Variants in GNG4 observed in about 807,000 individuals in gnomAD.
The protein encoded by GNG4 is G protein subunit gamma 4.
GNG4 carries 4 observed loss-of-function variants against 5.8 expected under a neutral mutation model. That is an observed-to-expected ratio of 0.69 (90% CI 0.34 to 1.57). GNG4 has a LOEUF of 1.57. GNG4 is among the 40% of genes most tolerant of loss of function. GNG4 has a pLI of 0.06. For missense variants in GNG4, 96 were observed against 95.1 expected, an observed-to-expected ratio of 1.01 and a Z score of -0.04; for synonymous variants, 29 against 32.9, an observed-to-expected ratio of 0.88 and a Z score of 0.41.
At chr1:235,605,886 C>T (rs759510721) in intron 1 of GNG4, among the ~76,000 whole-genome samples, 2 of 149,384 alleles carry the variant, frequency 1.3e-5, no homozygotes, top group African/African-American at 2.5e-5. Context: ...CAGGTGTCAT[C>T]AAATGAAGGG....
In GNG4 at chr1:235,619,224, C is replaced by CAT. The variant is rs202218848; in HGVS notation, c.-122-23715_-122-23714dup. ...ACACATATATATATATACACACACA[C>CAT]ATATATATATACACAAAAATTAATT... On this transcript the variant is annotated intron_variant, in intron 1 of 3. Coordinates refer to ENST00000391854, the MANE Select transcript of GNG4 (RefSeq NM_001098722.2). 8.1e-4 allele frequency among the ~76,000 whole-genome samples: 117 copies of CAT among 144,124 alleles called. 1 individual carries two copies. Among genetic ancestry groups the CAT allele is most frequent in the African/African-American group, 1.6e-3 (63 of 39,024 alleles). The allele number at this position is 144,124 out of a possible 152,430, so 94.6% of individuals were successfully genotyped here.
rs12130259 is a variant in GNG4 at position 235,642,840 on chromosome 1, C to G, written c.-123+6822G>C. 0.3 allele frequency among the ~76,000 whole-genome samples: 45,718 copies of G among 151,984 alleles called. 8,049 individuals are homozygous for G. Among genetic ancestry groups the G allele is most frequent in the Middle Eastern group, 0.4 (117 of 294 alleles). On this transcript the variant is annotated intron_variant, in intron 1 of 3. Coordinates refer to ENST00000391854, the MANE Select transcript of GNG4 (RefSeq NM_001098722.2). This position sits in a 1 kb window ranked among gnomAD's most constrained non-coding sequence, Gnocchi z 4.3. Reference sequence around the variant, plus strand: ...AGCCAGACCTCTGCTCAGCTCTGCACGTACATGCCCCCTCGATGTCACCTC... The same window carrying G: ...AGCCAGACCTCTGCTCAGCTCTGCAGGTACATGCCCCCTCGATGTCACCTC...
chr1:235,626,686 C>T (rs1688817596), intron 1 of GNG4, among the ~76,000 whole-genome samples: 1 of 152,086 alleles, frequency 6.6e-6, no homozygotes, highest in African/African-American at 2.4e-5. Context: ...AGGCCGGGCA[C>T]GGTGGCTGAT....
At chr1:235,635,234 A>G (rs1354556587) in intron 1 of GNG4, among the ~76,000 whole-genome samples, 2 of 152,046 alleles carry the variant, frequency 1.3e-5, no homozygotes, top group Non-Finnish European at 2.9e-5. Context: ...TCCAAATCTC[A>G]TATTAAAATG....
At chr1:235,647,456 T>C (rs2102992470) in intron 1 of GNG4, among the ~76,000 whole-genome samples, 1 of 152,226 alleles carries the variant, frequency 6.6e-6, no homozygotes, top group Non-Finnish European at 1.5e-5. Flanking sequence ...ATAAGTGAGA[T>C]GCAGCTATAA....
In GNG4 at chr1:235,649,042, C is replaced by T. The variant is rs1003237431; in HGVS notation, c.-123+620G>A. On this transcript the variant is annotated intron_variant, in intron 1 of 3. Coordinates refer to ENST00000391854, the MANE Select transcript of GNG4 (RefSeq NM_001098722.2). This position sits in a 1 kb window ranked among gnomAD's most constrained non-coding sequence, Gnocchi z 5.7. ...AAAGCTCCCCGGTTGCTGCCGGGCG[C>T]GCGCGGCGAACGAAGCACATTTCAG... Among the ~76,000 whole-genome samples the T allele has an allele frequency of 3.9e-5, 6 of 152,206 alleles. No homozygotes were observed. Among genetic ancestry groups the T allele is most frequent in the African/African-American group, 1.4e-4 (6 of 41,454 alleles).
At chr1:235,576,709 G>A (rs1687492856) in intron 3 of GNG4, among the ~76,000 whole-genome samples, 1 of 152,044 alleles carries the variant, frequency 6.6e-6, no homozygotes, top group Admixed American at 6.6e-5. Context: ...GAGTGGGGGT[G>A]GTAATTTGGG....
chr1:235,625,958 A>G (rs892070690), intron 1 of GNG4, among the ~76,000 whole-genome samples: 5 of 152,164 alleles, frequency 3.3e-5, no homozygotes, highest in Admixed American at 2.6e-4. Flanking sequence ...AAGGAGTGCA[A>G]TTGCTATAGC....
At chr1:235,567,098 T>TA (rs941442927) in intron 3 of GNG4, among the ~76,000 whole-genome samples, 20 of 146,636 alleles carry the variant, frequency 1.4e-4, no homozygotes, top group Middle Eastern at 3.5e-3. Context: ...TCCAGCTAAT[T>TA]AAAAAAAAAA....
intron 2 of GNG4, among the ~76,000 whole-genome samples, chr1:235,586,952 A>G (rs1042320946): frequency 6.6e-6 from 1 of 152,046 alleles, no homozygotes; most frequent in African/African-American, 2.4e-5. Flanking sequence ...TGCTCTCCCC[A>G]TTCTAGACTC....
chr1:235,572,345 G>A (rs1351406791), intron 3 of GNG4, among the ~76,000 whole-genome samples: 1 of 151,998 alleles, frequency 6.6e-6, no homozygotes, highest in Non-Finnish European at 1.5e-5. Context: ...AATTACAGGC[G>A]CTCGCTACCA....
intron 1 of GNG4, among the ~76,000 whole-genome samples, chr1:235,638,668 C>G (rs866005126): frequency 7.2e-5 from 11 of 152,178 alleles, no homozygotes; most frequent in Admixed American, 3.9e-4. Flanking sequence ...CCCTCACCCC[C>G]CAACAGGGCT....
At chr1:235,558,101 C>T (rs1319255864) in intron 3 of GNG4, among the ~76,000 whole-genome samples, 1 of 152,206 alleles carries the variant, frequency 6.6e-6, no homozygotes, top group Non-Finnish European at 1.5e-5. Context: ...CCTGTCTGTG[C>T]ACCCATACAA....
intron 1 of GNG4, among the ~76,000 whole-genome samples, chr1:235,602,884 CACTA>C (rs754594888): frequency 1.3e-5 from 2 of 152,156 alleles, no homozygotes; most frequent in Non-Finnish European, 2.9e-5. Context: ...ACAAGAATTT[CACTA>C]ACTGAGTTGA....
intron 3 of GNG4, among the ~76,000 whole-genome samples, chr1:235,558,828 T>A (rs1686984785): frequency 6.6e-6 from 1 of 152,226 alleles, no homozygotes. Flanking sequence ...CCCGTCTTAG[T>A]ATTGAACTGT....
chr1:235,563,077 T>C (rs1195747789), intron 3 of GNG4, among the ~76,000 whole-genome samples: 1 of 152,170 alleles, frequency 6.6e-6, no homozygotes, highest in Non-Finnish European at 1.5e-5. Context: ...TTTTACATTC[T>C]CTTTTGTTTT....
intron 1 of GNG4, among the ~76,000 whole-genome samples, chr1:235,626,593 G>A (rs897622632): frequency 1.3e-5 from 2 of 152,168 alleles, no homozygotes; most frequent in Non-Finnish European, 2.9e-5. Flanking sequence ...CAGCCCCACC[G>A]TCTACTGAGC....
rs552522129 is a variant in GNG4, at chr1:235,551,998, T to C, written c.*111A>G. 6.3e-5 allele frequency: 52 copies of C among 829,770 alleles called. No homozygotes were observed. The African/African-American group carries it at 8.2e-4, about 13-fold the overall frequency. The allele number at this position is 829,770 out of a possible 1,614,324, so 51.4% of individuals were successfully genotyped here. A position where few individuals can be genotyped will look rare whatever the true frequency, so the allele number is the denominator to read the frequency against. The stretch of plus-strand genomic sequence containing the variant: ...AACATAAGACAAGCCCCGGCCACTG[T>C]TGGCTGGGCAGGGATGGGTGTTGGT... On this transcript the variant is annotated 3_prime_UTR_variant, in exon 4 of 4. Transcript: ENST00000391854.
chr1:235,571,390 A>G (rs1687338074), intron 3 of GNG4, among the ~76,000 whole-genome samples: 2 of 152,210 alleles, frequency 1.3e-5, no homozygotes, highest in Non-Finnish European at 2.9e-5. Flanking sequence ...CCTCCTTCAT[A>G]TAACAGAGTA....
Sources: gnomAD v4.1 joint callset for allele counts (sites outside exome capture counted in the v4.1 genomes callset) on GRCh38, gnomAD v4.1.1 for gene constraint, Gnocchi (gnomAD v3.1) non-coding constraint, MANE v1.5 for transcripts, NCBI Gene and HGNC (gene_info 2026-07-23, HGNC 2026-07-21) for gene names.